LRRTM4: variants seen among roughly 807,000 people sequenced by gnomAD.
LRRTM4 encodes the protein leucine-rich repeat transmembrane neuronal protein 4.
In LRRTM4, 25 loss-of-function variants were observed where a neutral mutation model predicts 47.6. The ratio of observed to expected loss-of-function variants is 0.53; its 90% CI spans 0.38 to 0.73. The LOEUF is 0.73. Ranked by LOEUF, LRRTM4 falls within the 30% of genes least tolerant of loss-of-function variation. The probability of loss-of-function intolerance (pLI) is 0.00; values close to 1 mark genes in which losing one functional copy is unlikely to be tolerated. For synonymous variants in LRRTM4, 311 were observed against 269.5 expected (o/e 1.15, Z -1.51); for missense variants, 638 against 713.4 (o/e 0.89, Z 1.20).
chr2:77,309,767 C>T (rs1677400373), intron 3 of LRRTM4, among the ~76,000 whole-genome samples: 1 of 152,160 alleles, frequency 6.6e-6, no homozygotes, highest in South Asian at 2.1e-4. Context: ...AAATATCTCA[C>T]CACAGCAAAA....
chr2:76,775,848 C>G (rs904471787), intron 3 of LRRTM4, among the ~76,000 whole-genome samples: 2 of 152,048 alleles, frequency 1.3e-5, no homozygotes, highest in African/African-American at 2.4e-5. Context: ...TGCTGGTGCG[C>G]TGCACCCACT....
chr2:77,108,974 C>T (rs973207075), intron 3 of LRRTM4, among the ~76,000 whole-genome samples: 1 of 151,994 alleles, frequency 6.6e-6, no homozygotes, highest in African/African-American at 2.4e-5. Context: ...ACATAGCAGA[C>T]CAGATAAAGT....
intron 3 of LRRTM4, among the ~76,000 whole-genome samples, chr2:77,299,031 A>G (rs1284118640): frequency 2.0e-5 from 3 of 152,272 alleles, no homozygotes; most frequent in South Asian, 2.1e-4. Context: ...ACAGTATACA[A>G]GAAGGTTTAC....
At chr2:77,070,865 A>C (rs1680131573) in intron 3 of LRRTM4, among the ~76,000 whole-genome samples, 1 of 152,150 alleles carries the variant, frequency 6.6e-6, no homozygotes, top group South Asian at 2.1e-4. Context: ...TCCTGACCTC[A>C]GGTGACCCTC....
intron 3 of LRRTM4, among the ~76,000 whole-genome samples, chr2:76,788,719 T>C (rs1674812817): frequency 1.3e-5 from 2 of 152,224 alleles, no homozygotes; most frequent in Admixed American, 1.3e-4. Flanking sequence ...CTTTTATATC[T>C]ATTCTATCAA....
intron 3 of LRRTM4, among the ~76,000 whole-genome samples, chr2:77,419,639 G>A (rs1379174913): frequency 6.6e-6 from 1 of 152,198 alleles, no homozygotes; most frequent in South Asian, 2.1e-4. Context: ...ATCCATGGAT[G>A]TAAAAAAATC....
chr2:77,074,410 T>G (rs902593607), intron 3 of LRRTM4, among the ~76,000 whole-genome samples: 3 of 152,102 alleles, frequency 2.0e-5, no homozygotes, highest in African/African-American at 7.2e-5. Context: ...GAAACTGACT[T>G]TATCATTTAG....
chr2:76,888,503 T>C, intron 3 of LRRTM4, among the ~76,000 whole-genome samples: 1 of 151,680 alleles, frequency 6.6e-6, no homozygotes, highest in East Asian at 1.9e-4. Context: ...TAAAATACAA[T>C]ATGTATACAC....
At chr2:77,376,336 A>G (rs1484319715) in intron 3 of LRRTM4, among the ~76,000 whole-genome samples, 4 of 151,614 alleles carry the variant, frequency 2.6e-5, no homozygotes, top group Non-Finnish European at 5.9e-5. Context: ...ACGATATTAC[A>G]TTTGTCACAA....
At chr2:77,218,308 T>C (rs1308933512) in intron 3 of LRRTM4, among the ~76,000 whole-genome samples, 2 of 152,112 alleles carry the variant, frequency 1.3e-5, no homozygotes, top group Non-Finnish European at 2.9e-5. Flanking sequence ...TCTCTTTTTT[T>C]CTACAAAAAA....
chr2:77,375,306 TTTAA>T, intron 3 of LRRTM4, among the ~76,000 whole-genome samples: 1 of 151,856 alleles, frequency 6.6e-6, no homozygotes, highest in Admixed American at 6.6e-5. Flanking sequence ...ACTATACATG[TTTAA>T]TTAATATAAT....
intron 3 of LRRTM4, among the ~76,000 whole-genome samples, chr2:76,993,748 C>A (rs1193760265): frequency 6.6e-6 from 1 of 151,802 alleles, no homozygotes. Flanking sequence ...GCAGTCCCAA[C>A]AATGGGTATG....
intron 3 of LRRTM4, among the ~76,000 whole-genome samples, chr2:76,918,185 T>C (rs924279233): frequency 2.0e-5 from 3 of 152,200 alleles, no homozygotes; most frequent in African/African-American, 7.2e-5. Flanking sequence ...ATGAGAAATA[T>C]ACTTTCATGA....
intron 3 of LRRTM4, among the ~76,000 whole-genome samples, chr2:77,341,419 G>A (rs1448184756): frequency 6.6e-6 from 1 of 151,856 alleles, no homozygotes; most frequent in East Asian, 1.9e-4. Context: ...GTTTGACTCT[G>A]CTTAAACGTT....
intron 3 of LRRTM4, among the ~76,000 whole-genome samples, chr2:77,107,679 G>A (rs555444520): frequency 4.9e-4 from 74 of 151,990 alleles, no homozygotes; most frequent in Non-Finnish European, 7.9e-4. Context: ...TTAGCCTGGC[G>A]TGGTGATGCA....
rs1673926949 is a variant in LRRTM4, at chr2:77,199,861, CA to C, written c.1551+318456del. Among the ~76,000 whole-genome samples, 5 of 151,818 alleles carry C rather than the reference CA, an allele frequency of 3.3e-5. 1 individual carries two copies. The South Asian group carries it at 1.0e-3, about 32-fold the overall frequency. ...AAATGGAAGTGTCACATGCCATAAC[CA>C]AGAGAAAGTTAGAAATCAAAGGCAT... On this transcript the variant is annotated intron_variant, in intron 3 of 3. Coordinates refer to ENST00000409884, the MANE Select transcript of LRRTM4 (RefSeq NM_001134745.3).
At chr2:77,403,885 T>TATATATATATATATATA (rs893824593) in intron 3 of LRRTM4, among the ~76,000 whole-genome samples, 11 of 150,280 alleles carry the variant, frequency 7.3e-5, no homozygotes, top group African/African-American at 2.8e-4. Context: ...TATATATATA[T>TATATATATATATATATA]TTTAGGAAAG....
chr2:76,858,525 C>T (rs1377589318), intron 3 of LRRTM4, among the ~76,000 whole-genome samples: 1 of 152,156 alleles, frequency 6.6e-6, no homozygotes, highest in African/African-American at 2.4e-5. Context: ...TGTTTTGTTT[C>T]TATGGGGAAC....
intron 3 of LRRTM4, among the ~76,000 whole-genome samples, chr2:77,392,851 T>G (rs1362994590): frequency 6.6e-6 from 1 of 152,010 alleles, no homozygotes; most frequent in Non-Finnish European, 1.5e-5. Flanking sequence ...TATTGAAAAC[T>G]GCTAAGATAG....
Sources: allele counts gnomAD v4.1 joint callset (sites outside exome capture counted in the v4.1 genomes callset), GRCh38; gene constraint gnomAD v4.1.1; transcripts MANE v1.5; gene names NCBI Gene and HGNC (gene_info 2026-07-23, HGNC 2026-07-21).